TRPC4AP: variants seen among roughly 807,000 people sequenced by gnomAD.
The protein encoded by TRPC4AP is transient receptor potential cation channel subfamily C member 4 associated protein.
In TRPC4AP, 45 loss-of-function variants were observed where a neutral mutation model predicts 99.0. The ratio of observed to expected loss-of-function variants is 0.45; its 90% confidence interval spans 0.36 to 0.58. TRPC4AP has a LOEUF of 0.58. Ranked by LOEUF, TRPC4AP falls within the 20% of genes least tolerant of loss-of-function variation. TRPC4AP has a pLI of 0.00. For missense variants in TRPC4AP, 879 were observed against 985.3 expected (o/e 0.89, Z 1.44); for synonymous variants, 408 against 385.8 (o/e 1.06, Z -0.67).
rs1240856628 is a variant in TRPC4AP at position 35,021,350 on chromosome 20, A to G, written c.1058T>C (p.Ile353Thr). Reference sequence around the variant, plus strand: ...AGAAGCCCCTGGAGGAGGGAACACAATGGAGGCTGACACAGCCACCGGAGA... The same window carrying G: ...AGAAGCCCCTGGAGGAGGGAACACAGTGGAGGCTGACACAGCCACCGGAGA... ...NEESEHNQAS[I>T]VFPPPGASEE... is the part of the protein sequence containing the mutation. The change falls in exon 9 of 19, where the codon ATT (isoleucine) becomes ACT (threonine). Residue 353 changes from isoleucine (I) to threonine (T), a missense_variant. By Grantham distance (89) the Ile-to-Thr change is moderately conservative. This residue lies in a region of TRPC4AP where 603 missense variants were observed against 631.8 expected (regional missense o/e 0.95). Transcript: ENST00000252015. 3.7e-6 allele frequency: 6 copies of G among 1,613,450 alleles called. No homozygotes were observed. The highest frequency in any genetic ancestry group is 1.3e-5 in the African/African-American group (1 of 74,906).
intron 11 of TRPC4AP, 136 bp downstream of exon 11, chr20:35,012,872 C>T: frequency 4.8e-6 from 4 of 827,482 alleles, no homozygotes; most frequent in South Asian, 4.7e-5. Context: ...GTCACACCTG[C>T]TAACACTGAG....
At chr20:35,038,145 G>A (rs2083364931) in intron 7 of TRPC4AP, among the ~76,000 whole-genome samples, 2 of 149,980 alleles carry the variant, frequency 1.3e-5, no homozygotes, top group African/African-American at 4.9e-5. Flanking sequence ...ACTAGATAGA[G>A]GTGGTAGCTG....
intron 8 of TRPC4AP, among the ~76,000 whole-genome samples, chr20:35,034,324 G>A (rs994882625): frequency 1.2e-4 from 18 of 151,832 alleles, no homozygotes; most frequent in African/African-American, 2.7e-4. Flanking sequence ...CTAGTCTTCC[G>A]GGCTTGCCTC....
chr20:35,079,572 G>C (rs903996743), intron 1 of TRPC4AP, among the ~76,000 whole-genome samples: 4 of 151,942 alleles, frequency 2.6e-5, no homozygotes, highest in African/African-American at 9.7e-5. Context: ...AAAATCAAGA[G>C]AGAAAACAAA....
intron 3 of TRPC4AP, among the ~76,000 whole-genome samples, chr20:35,064,744 G>A (rs2084099053): frequency 6.6e-6 from 1 of 152,186 alleles, no homozygotes; most frequent in Admixed American, 6.5e-5. Context: ...TCTAGAAAAG[G>A]TGAAGTAATT....
At chr20:35,063,396 A>C (rs1458927980) in intron 3 of TRPC4AP, among the ~76,000 whole-genome samples, 1 of 152,218 alleles carries the variant, frequency 6.6e-6, no homozygotes, top group East Asian at 1.9e-4. Flanking sequence ...CATAATACAG[A>C]CATAAAATAG....
At chr20:35,024,811 G>T (rs1053665036) in intron 8 of TRPC4AP, among the ~76,000 whole-genome samples, 1 of 101,170 alleles carries the variant, frequency 9.9e-6, no homozygotes, top group African/African-American at 3.8e-5. Context: ...CTAGGTGACA[G>T]AGAGAGACCG....
At chr20:35,047,369 A>G (rs1392464536) in intron 6 of TRPC4AP, among the ~76,000 whole-genome samples, 2 of 152,222 alleles carry the variant, frequency 1.3e-5, no homozygotes, top group Non-Finnish European at 2.9e-5. Context: ...ATGATATACT[A>G]CCTACAGTGT....
At chr20:35,057,175 TA>T (rs1210429494) in intron 4 of TRPC4AP, among the ~76,000 whole-genome samples, 4 of 151,696 alleles carry the variant, frequency 2.6e-5, no homozygotes, top group Non-Finnish European at 5.9e-5. Context: ...ATCACCTTTC[TA>T]AAAAAAATAG....
At chr20:35,030,729 A>T (rs2083169469) in intron 8 of TRPC4AP, among the ~76,000 whole-genome samples, 1 of 152,262 alleles carries the variant, frequency 6.6e-6, no homozygotes, top group Admixed American at 6.5e-5. Context: ...CAGTTATTGC[A>T]AAATATGTTT....
At chr20:35,079,997 G>C (rs1229763329) in intron 1 of TRPC4AP, among the ~76,000 whole-genome samples, 1 of 144,072 alleles carries the variant, frequency 6.9e-6, no homozygotes, top group African/African-American at 2.7e-5. Flanking sequence ...ACTCCAGCCT[G>C]GGTGACAGAG....
At chr20:35,010,743 G>A (rs996350945) in intron 11 of TRPC4AP, among the ~76,000 whole-genome samples, 4 of 152,068 alleles carry the variant, frequency 2.6e-5, no homozygotes, top group African/African-American at 9.7e-5. Flanking sequence ...TCACTGCTGG[G>A]TCCTGTGTTC....
In TRPC4AP at chr20:35,092,703, C is replaced by G; in HGVS notation, c.79G>C (p.Gly27Arg). 1 of 1,549,614 alleles carries G rather than the reference C, an allele frequency of 6.5e-7. No homozygotes were observed. Among genetic ancestry groups the G allele is most frequent in the Non-Finnish European group, 8.6e-7 (1 of 1,158,784 alleles). ...CCAGGCCGCGGCCGGCCGCCCCATC[C>G]GCCCCAAGCCGCCACTGTGGCTGCC... ...RSAATVAAWG[G>R]WGGRPRPGNI... Residue 27 changes from glycine to arginine, a missense_variant, in exon 1 of 19, where the codon GGA becomes CGA. Transcript: ENST00000252015.
intron 13 of TRPC4AP, 86 bp downstream of exon 13, chr20:35,008,578 T>G: frequency 3.5e-6 from 4 of 1,152,418 alleles, no homozygotes; most frequent in Non-Finnish European, 3.8e-6. Flanking sequence ...TGGACGCTGG[T>G]GACTAAAGGA....
intron 5 of TRPC4AP, among the ~76,000 whole-genome samples, chr20:35,053,757 G>C (rs1006415681): frequency 6.6e-6 from 1 of 152,178 alleles, no homozygotes; most frequent in Non-Finnish European, 1.5e-5. Context: ...TTACATGTTA[G>C]AATGACAATA....
At chr20:35,034,446 G>A (rs1023908281) in intron 8 of TRPC4AP, among the ~76,000 whole-genome samples, 2 of 152,092 alleles carry the variant, frequency 1.3e-5, no homozygotes, top group Admixed American at 6.5e-5. Context: ...AGTACAGTAT[G>A]GAGCTGGGTG....
chr20:35,024,990 T>C (rs1247804765), intron 8 of TRPC4AP, among the ~76,000 whole-genome samples: 1 of 152,164 alleles, frequency 6.6e-6, no homozygotes, highest in Non-Finnish European at 1.5e-5. Flanking sequence ...GGTATATACC[T>C]GGGAGTAGGA....
At chr20:35,006,799 C>T (rs75910003) in intron 14 of TRPC4AP, among the ~76,000 whole-genome samples, 3,514 of 152,324 alleles carry the variant, frequency 0.023, 113 homozygotes, top group African/African-American at 0.081. Context: ...CAATCTCTCC[C>T]CTGCCCAGGG....
Position 35,004,580 on chromosome 20 carries a change from G to A in TRPC4AP, c.1937-10C>T. 6.2e-7 allele frequency: 1 copy of A among 1,611,740 alleles called. No homozygotes were observed. Among genetic ancestry groups the A allele is most frequent in the Non-Finnish European group, 8.5e-7 (1 of 1,178,622 alleles). Reference sequence around the variant, plus strand: ...GACAGTACCTCGGCAACTGTGGAGGGAGGCAGGGGTGCAGCAGGTCAGGCT... The same window carrying A: ...GACAGTACCTCGGCAACTGTGGAGGAAGGCAGGGGTGCAGCAGGTCAGGCT... On this transcript the variant is annotated splice_polypyrimidine_tract_variant and intron_variant, in intron 16 of 18. Coordinates refer to ENST00000252015, the MANE Select transcript of TRPC4AP (RefSeq NM_015638.3).
Sources: gnomAD v4.1 joint callset for allele counts (sites outside exome capture counted in the v4.1 genomes callset) on GRCh38, gnomAD v4.1.1 for gene constraint, gnomAD v4.1.1 regional missense constraint, MANE v1.5 for transcripts, NCBI Gene and HGNC (gene_info 2026-07-23, HGNC 2026-07-21) for gene names.